The following TENM2 variants were observed in gnomAD, a reference collection of about 807,000 sequenced individuals.
The protein encoded by TENM2 is teneurin-2.
Under a neutral mutation model 245.2 loss-of-function variants are expected in TENM2, and 52 were observed. The ratio of observed to expected loss-of-function variants is 0.21; its 90% CI spans 0.17 to 0.27. TENM2 has a LOEUF of 0.27. TENM2 is among the 10% of genes least tolerant of loss of function. The pLI is 1.00. For synonymous variants in TENM2, 1,363 were observed against 1,438.9 expected, an observed-to-expected ratio of 0.95 and a Z score of 1.19; for missense variants, 3,046 against 3,666.8, an observed-to-expected ratio of 0.83 and a Z score of 4.37.
At chr5:168,105,903 G>A (rs550439462) in intron 9 of TENM2, among the ~76,000 whole-genome samples, 5 of 152,088 alleles carry the variant, frequency 3.3e-5, no homozygotes, top group Non-Finnish European at 5.9e-5. Context: ...CCTTTCCCTT[G>A]TATTTGCTTT....
intron 2 of TENM2, among the ~76,000 whole-genome samples, chr5:167,445,330 T>TAGGGAGAGAGAGAGAGAG (rs1275688569): frequency 1.2e-4 from 6 of 49,270 alleles, no homozygotes; most frequent in South Asian, 7.8e-4. Context: ...TATATATATA[T>TAGGGAGAGAGAGAGAGAG]ATATATAGAG....
At chr5:167,575,069 T>A (rs1369689130) in intron 2 of TENM2, among the ~76,000 whole-genome samples, 5 of 151,368 alleles carry the variant, frequency 3.3e-5, no homozygotes, top group African/African-American at 1.2e-4. Flanking sequence ...GTTCATTGCT[T>A]CTGCTGCTAA....
chr5:167,638,467 C>T (rs1779356000), intron 2 of TENM2, among the ~76,000 whole-genome samples: 1 of 152,094 alleles, frequency 6.6e-6, no homozygotes, highest in Non-Finnish European at 1.5e-5. Context: ...TAAGAGAAAA[C>T]TACTGGGCTG....
intron 2 of TENM2, among the ~76,000 whole-genome samples, chr5:167,617,458 G>A (rs1777864563): frequency 6.6e-6 from 1 of 152,052 alleles, no homozygotes; most frequent in Admixed American, 6.6e-5. Flanking sequence ...AAAACAAAAA[G>A]TCAAAAAATT....
intron 3 of TENM2, among the ~76,000 whole-genome samples, chr5:167,915,340 G>C (rs976059342): frequency 6.6e-6 from 1 of 152,186 alleles, no homozygotes; most frequent in Non-Finnish European, 1.5e-5. Context: ...AAAACAGGAA[G>C]AAATTAAATC....
intron 7 of TENM2, among the ~76,000 whole-genome samples, chr5:168,078,368 A>G (rs1157278906): frequency 2.0e-5 from 3 of 152,066 alleles, no homozygotes; most frequent in African/African-American, 4.8e-5. Flanking sequence ...ATTTTCTCCC[A>G]TTCTGTAGGT....
chr5:167,365,821 C>G (rs934041051), intron 1 of TENM2, among the ~76,000 whole-genome samples: 1 of 151,944 alleles, frequency 6.6e-6, no homozygotes, highest in Non-Finnish European at 1.5e-5. Flanking sequence ...ACACCCATCA[C>G]AGTAAGAAAT....
the TENM2 span, among the ~76,000 whole-genome samples, chr5:167,123,143 C>CA: frequency 0.082 from 8,460 of 102,786 alleles, 248 homozygotes; most frequent in Middle Eastern, 0.14. Context: ...ACTAAAAATA[C>CA]AAAAAAAAAA....
At chr5:167,998,970 C>T in intron 5 of TENM2, among the ~76,000 whole-genome samples, 1 of 152,176 alleles carries the variant, frequency 6.6e-6, no homozygotes, top group Non-Finnish European at 1.5e-5. Flanking sequence ...GAGACTCACG[C>T]TGATGAATCT....
chr5:168,199,253 A>G (rs1356956050), intron 16 of TENM2, 139 bp downstream of exon 18: 27 of 920,584 alleles, frequency 2.9e-5, no homozygotes, highest in Admixed American at 5.7e-5. Flanking sequence ...ATTTATAGCC[A>G]CCAGAGATGA....
At chr5:167,086,364 T>G in the TENM2 span, among the ~76,000 whole-genome samples, 1 of 152,208 alleles carries the variant, frequency 6.6e-6, no homozygotes, top group Admixed American at 6.5e-5. Flanking sequence ...TTCTGGGACA[T>G]GCGTATCTTG....
intron 1 of TENM2, among the ~76,000 whole-genome samples, chr5:167,290,634 A>C (rs1211181016): frequency 6.6e-6 from 1 of 152,074 alleles, no homozygotes; most frequent in Non-Finnish European, 1.5e-5. Flanking sequence ...TCCACCATAC[A>C]TTTCTTTCCC....
At chr5:167,066,095 A>T in the TENM2 span, among the ~76,000 whole-genome samples, 2 of 152,188 alleles carry the variant, frequency 1.3e-5, no homozygotes, top group African/African-American at 4.8e-5. Flanking sequence ...TGCGGGAAAG[A>T]ATTCATTTGC....
intron 7 of TENM2, among the ~76,000 whole-genome samples, chr5:168,079,830 GC>G (rs1282038650): frequency 1.3e-5 from 2 of 152,194 alleles, no homozygotes; most frequent in East Asian, 3.8e-4. Flanking sequence ...GATTCGGTTT[GC>G]CAGTATTTTA....
intron 2 of TENM2, among the ~76,000 whole-genome samples, chr5:167,662,221 G>C (rs996096235): frequency 6.6e-6 from 1 of 152,152 alleles, no homozygotes; most frequent in Non-Finnish European, 1.5e-5. Context: ...TAAACAAAAA[G>C]AGGAGATTCT....
chr5:167,197,047 T>C, the TENM2 span, among the ~76,000 whole-genome samples: 1 of 152,010 alleles, frequency 6.6e-6, no homozygotes, highest in Non-Finnish European at 1.5e-5. Flanking sequence ...AGATTGTCAG[T>C]GAATTCAGCT....
At chr5:167,231,140 A>G in the TENM2 span, among the ~76,000 whole-genome samples, 1 of 152,146 alleles carries the variant, frequency 6.6e-6, no homozygotes, top group East Asian at 1.9e-4. Context: ...TTAATAAATT[A>G]CCAGTCTGAG....
chr5:168,044,526 A>G (rs1788453163), intron 5 of TENM2, among the ~76,000 whole-genome samples: 1 of 152,154 alleles, frequency 6.6e-6, no homozygotes, highest in South Asian at 2.1e-4. Flanking sequence ...TTAATTTATA[A>G]GCATATAACA....
intron 3 of TENM2, among the ~76,000 whole-genome samples, chr5:167,933,314 G>A (rs1319573209): frequency 6.6e-6 from 1 of 152,134 alleles, no homozygotes. Context: ...CTTCAGAGAT[G>A]AACAGCAAAA....
Sources: gnomAD v4.1 joint callset for allele counts (sites outside exome capture counted in the v4.1 genomes callset) on GRCh38, gnomAD v4.1.1 for gene constraint, MANE v1.5 for transcripts, NCBI Gene and HGNC (gene_info 2026-07-23, HGNC 2026-07-21) for gene names.